Variants in LRRC49 observed in about 807,000 individuals in gnomAD.
LRRC49 encodes the protein leucine rich repeat containing 49.
A neutral mutation model predicts 83.3 loss-of-function variants in LRRC49; 50 were observed. The observed-to-expected ratio is 0.60, with a 90% confidence interval of 0.48 to 0.76. The LOEUF (loss-of-function observed/expected upper bound fraction) is 0.76. Ranked by LOEUF, LRRC49 falls within the 30% of genes least tolerant of loss-of-function variation. LRRC49 has a pLI of 0.00. For synonymous variants in LRRC49, 286 were observed against 283.3 expected (o/e 1.01, Z -0.10); for missense variants, 704 against 809.1 (o/e 0.87, Z 1.58).
intron 9 of LRRC49, among the ~76,000 whole-genome samples, chr15:70,976,677 C>T (rs549896186): frequency 1.3e-5 from 2 of 151,994 alleles, no homozygotes; most frequent in Non-Finnish European, 2.9e-5. Flanking sequence ...GTTTTTTGTC[C>T]CAGATCCCAG....
intron 8 of LRRC49, among the ~76,000 whole-genome samples, chr15:70,958,303 A>G (rs1374342077): frequency 1.3e-5 from 2 of 152,112 alleles, no homozygotes; most frequent in Non-Finnish European, 2.9e-5. Flanking sequence ...CTAAAATACT[A>G]TTCTGATCAT....
At chr15:71,007,965 T>C (rs1283066932) in intron 11 of LRRC49, among the ~76,000 whole-genome samples, 2 of 151,680 alleles carry the variant, frequency 1.3e-5, no homozygotes, top group Non-Finnish European at 3.0e-5. Flanking sequence ...AACATATTTT[T>C]ATATGTATGG....
chr15:70,934,634 T>A (rs2035535451), intron 7 of LRRC49, among the ~76,000 whole-genome samples: 1 of 152,206 alleles, frequency 6.6e-6, no homozygotes, highest in Admixed American at 6.5e-5. Flanking sequence ...ACAAATTATA[T>A]CCTGATGGAA....
intron 9 of LRRC49, 137 bp downstream of exon 9, chr15:70,964,069 C>G (rs1298149217): frequency 4.1e-6 from 3 of 740,666 alleles, no homozygotes; most frequent in Admixed American, 7.6e-5. Flanking sequence ...TTCATAATTG[C>G]AATTATGTAG....
At chr15:71,022,227 G>A (rs1031167558) in intron 14 of LRRC49, among the ~76,000 whole-genome samples, 1 of 152,038 alleles carries the variant, frequency 6.6e-6, no homozygotes, top group Admixed American at 6.6e-5. Flanking sequence ...ACAAAAATTA[G>A]CTGGGTGTGG....
chr15:70,882,597 G>C (rs1303717648), intron 2 of LRRC49: 5 of 1,613,880 alleles, frequency 3.1e-6, no homozygotes, highest in East Asian at 2.2e-5. Context: ...TCCTCTGTCT[G>C]AGTAGTTGCA....
intron 2 of LRRC49, among the ~76,000 whole-genome samples, chr15:70,874,516 T>A (rs189502889): frequency 6.6e-6 from 1 of 152,184 alleles, no homozygotes; most frequent in South Asian, 2.1e-4. Context: ...TGGAAGAAGG[T>A]TGACAGTCTT....
At chr15:70,894,584 C>G in intron 2 of LRRC49, 4 of 1,271,818 alleles carry the variant, frequency 3.1e-6, no homozygotes, top group Non-Finnish European at 4.1e-6. Flanking sequence ...TTTATACTTA[C>G]CTACTTTCTA....
At chr15:70,871,857 T>G (rs1209362934) in intron 1 of LRRC49, among the ~76,000 whole-genome samples, 2 of 146,606 alleles carry the variant, frequency 1.4e-5, no homozygotes, top group African/African-American at 5.2e-5. Context: ...GCAGAGACGC[T>G]CCTCACTTCC....
intron 11 of LRRC49, among the ~76,000 whole-genome samples, chr15:71,007,939 T>A (rs1187320294): frequency 1.3e-5 from 2 of 151,670 alleles, no homozygotes; most frequent in East Asian, 3.9e-4. Context: ...TTTTAGCAGT[T>A]ATTACTTGGT....
At chr15:70,951,909 A>G (rs1423730654) in intron 8 of LRRC49, among the ~76,000 whole-genome samples, 2 of 152,046 alleles carry the variant, frequency 1.3e-5, no homozygotes, top group African/African-American at 4.8e-5. Context: ...TTTATGTTAT[A>G]TGGGTCTTAT....
intron 11 of LRRC49, among the ~76,000 whole-genome samples, chr15:70,995,160 G>T (rs962600944): frequency 6.6e-6 from 1 of 152,154 alleles, no homozygotes; most frequent in African/African-American, 2.4e-5. Flanking sequence ...CAAAGGAAAA[G>T]ATAGAAATGA....
intron 11 of LRRC49, among the ~76,000 whole-genome samples, chr15:71,007,707 ATG>A (rs1416648047): frequency 5.1e-5 from 1 of 19,684 alleles, no homozygotes; most frequent in South Asian, 1.5e-3. Flanking sequence ...TATGAGAAGC[ATG>A]TATATATATA....
chr15:70,949,452 A>C (rs1246617766), intron 8 of LRRC49, among the ~76,000 whole-genome samples: 2 of 152,184 alleles, frequency 1.3e-5, no homozygotes, highest in Non-Finnish European at 2.9e-5. Context: ...TAGCACATAC[A>C]GTTATCTATG....
upstream of LRRC49, chr15:70,892,136 C>T: frequency 6.2e-7 from 1 of 1,613,678 alleles, no homozygotes; most frequent in Non-Finnish European, 8.5e-7. Flanking sequence ...GTCATTGCCT[C>T]CGTACCAGTC....
intron 9 of LRRC49, among the ~76,000 whole-genome samples, chr15:70,973,882 A>G (rs1337004606): frequency 1.3e-5 from 2 of 152,122 alleles, no homozygotes; most frequent in African/African-American, 4.8e-5. Flanking sequence ...TAATCCCAGT[A>G]CTTTGGGAGG....
intron 1 of LRRC49, among the ~76,000 whole-genome samples, chr15:70,857,380 C>T (rs2141066685): frequency 6.6e-6 from 1 of 152,216 alleles, no homozygotes; most frequent in Non-Finnish European, 1.5e-5. Flanking sequence ...AGAGTAGTCC[C>T]AGCTACTCGG....
At chr15:70,948,992 A>G (rs1473893064) in intron 8 of LRRC49, among the ~76,000 whole-genome samples, 1 of 152,216 alleles carries the variant, frequency 6.6e-6, no homozygotes, top group East Asian at 1.9e-4. Context: ...TATGTAAATG[A>G]ATGGGCAGAG....
chr15:70,886,728 C>T (rs1021367545), intron 2 of LRRC49, among the ~76,000 whole-genome samples: 8 of 151,878 alleles, frequency 5.3e-5, no homozygotes, highest in Admixed American at 2.0e-4. Flanking sequence ...TAGCTGGGTG[C>T]GGTGGCAGGC....
Sources: gnomAD v4.1 joint callset for allele counts (sites outside exome capture counted in the v4.1 genomes callset) on GRCh38, gnomAD v4.1.1 for gene constraint, MANE v1.5 for transcripts, NCBI Gene and HGNC (gene_info 2026-07-23, HGNC 2026-07-21) for gene names.